The following DACH2 variants were observed in gnomAD, a reference collection of about 807,000 sequenced individuals.
DACH2 encodes dachshund homolog 2.
In DACH2, 17 loss-of-function variants were observed where a neutral mutation model predicts 35.8. The observed-to-expected ratio is 0.48, with a 90% CI of 0.33 to 0.71. The LOEUF is 0.71. Among genes scored for constraint, DACH2 ranks in the 30% least tolerant of loss-of-function variants. The probability of loss-of-function intolerance (pLI) is 0.02; values close to 1 mark genes in which losing one functional copy is unlikely to be tolerated. For missense variants in DACH2, 469 were observed against 472.7 expected (o/e 0.99, Z 0.07); for synonymous variants, 195 against 177.3 (o/e 1.10, Z -0.79).
At chrX:86,802,403 A>ATAAGT (rs1717778051) in intron 7 of DACH2, among the ~76,000 whole-genome samples, 1 of 110,713 alleles carries the variant, frequency 9.0e-6, no homozygotes, top group East Asian at 2.8e-4. Context: ...ACTCAGTCAG[A>ATAAGT]TAAGTTAACT....
At chrX:86,505,040 G>A (rs1257642303) in intron 2 of DACH2, among the ~76,000 whole-genome samples, 4 of 112,088 alleles carry the variant, frequency 3.6e-5, no homozygotes, top group Non-Finnish European at 7.5e-5. Flanking sequence ...TGCCTTAGAA[G>A]TAAGGACGTC....
chrX:86,504,387 A>T (rs1469350223), intron 2 of DACH2, among the ~76,000 whole-genome samples: 3 of 111,171 alleles, frequency 2.7e-5, no homozygotes, highest in African/African-American at 9.8e-5. Flanking sequence ...AGTTTCCTGG[A>T]ATCAATTGTC....
At chrX:86,619,385 C>A (rs2040043820) in intron 3 of DACH2, among the ~76,000 whole-genome samples, 1 of 111,590 alleles carries the variant, frequency 9.0e-6, no homozygotes, top group Non-Finnish European at 1.9e-5. Context: ...TTCCTGAAGC[C>A]AGAAAAAACA....
chrX:86,183,916 G>C (rs1353369936), intron 1 of DACH2, among the ~76,000 whole-genome samples: 1 of 111,494 alleles, frequency 9.0e-6, no homozygotes, highest in African/African-American at 3.3e-5. Context: ...GGGTGTATGT[G>C]TCCAGGAATT....
intron 2 of DACH2, among the ~76,000 whole-genome samples, chrX:86,401,717 CA>C (rs762581376): frequency 2.0e-3 from 106 of 52,504 alleles, no homozygotes; most frequent in East Asian, 8.3e-3. Context: ...GAGACAGTGA[CA>C]AAAAAAAAAA....
chrX:86,528,880 C>A (rs764835945), intron 3 of DACH2, among the ~76,000 whole-genome samples: 1 of 111,730 alleles, frequency 9.0e-6, no homozygotes, highest in East Asian at 2.8e-4. Flanking sequence ...TGTGTAATGA[C>A]CAAGTCAGGG....
intron 2 of DACH2, among the ~76,000 whole-genome samples, chrX:86,502,566 T>C (rs752514868): frequency 8.9e-6 from 1 of 112,491 alleles, no homozygotes; most frequent in Non-Finnish European, 1.9e-5. Flanking sequence ...GCATTTGTCT[T>C]AGAAAAAGTC....
At chrX:86,295,186 TG>T (rs1393493146) in intron 1 of DACH2, among the ~76,000 whole-genome samples, 1 of 109,033 alleles carries the variant, frequency 9.2e-6, no homozygotes, top group Non-Finnish European at 1.9e-5. Context: ...ATTTTCCAGG[TG>T]CCGTCTGTCA....
chrX:86,263,402 T>C (rs1195357234), intron 1 of DACH2, among the ~76,000 whole-genome samples: 1 of 111,721 alleles, frequency 9.0e-6, no homozygotes, highest in Non-Finnish European at 1.9e-5. Flanking sequence ...AAATGCACCA[T>C]ATGTGTGAGT....
intron 3 of DACH2, among the ~76,000 whole-genome samples, chrX:86,606,564 T>C (rs1348949951): frequency 9.0e-6 from 1 of 111,552 alleles, no homozygotes; most frequent in Non-Finnish European, 1.9e-5. Flanking sequence ...CTTGATATTA[T>C]TACATTTTTT....
intron 1 of DACH2, among the ~76,000 whole-genome samples, chrX:86,358,368 C>T (rs1019660079): frequency 3.7e-5 from 4 of 106,695 alleles, no homozygotes; most frequent in Non-Finnish European, 5.8e-5. Context: ...GTTTTAAGTA[C>T]GATTCAAAGT....
intron 3 of DACH2, among the ~76,000 whole-genome samples, chrX:86,533,814 A>ATT (rs981548480): frequency 9.3e-6 from 1 of 107,927 alleles, no homozygotes; most frequent in African/African-American, 3.4e-5. Context: ...CTTCTATGCC[A>ATT]TTTTTTTTTT....
At chrX:86,605,529 C>G (rs767511791) in intron 3 of DACH2, among the ~76,000 whole-genome samples, 1 of 110,735 alleles carries the variant, frequency 9.0e-6, no homozygotes, top group Admixed American at 9.6e-5. Flanking sequence ...CGTAATATAA[C>G]TTTTAGCCTC....
intron 7 of DACH2, among the ~76,000 whole-genome samples, chrX:86,768,884 T>C (rs1467754983): frequency 9.0e-6 from 1 of 111,123 alleles, no homozygotes; most frequent in African/African-American, 3.3e-5. Flanking sequence ...AAACTCTCAC[T>C]TGTAAGTGAG....
At chrX:86,768,537 G>T in intron 7 of DACH2, among the ~76,000 whole-genome samples, 1 of 111,470 alleles carries the variant, frequency 9.0e-6, no homozygotes, top group East Asian at 2.8e-4. Context: ...GGATTTTTTT[G>T]TAGGGCCACT....
rs1332065859 is a variant in DACH2, at chrX:86,269,982, AAACT to A, written c.489-106839_489-106836del. Among the ~76,000 whole-genome samples the A allele has an allele frequency of 1.0e-4, 11 of 105,409 alleles. No individual in the cohort carries two copies. The East Asian group carries it at 3.2e-3, about 31-fold the overall frequency. The allele number at this position is 105,409 out of a possible 115,157, so 91.5% of individuals were successfully genotyped here. A position where few individuals can be genotyped will look rare whatever the true frequency, so the allele number is the denominator to read the frequency against. On this transcript the variant is annotated intron_variant, in intron 1 of 11. Transcript: ENST00000373125. ...TCACCCACTCCTCAAAGCAGGAAAC[AAACT>A]AAGATAAGATTCATGTTTTAATTAT...
At chrX:86,247,519 T>C (rs778354947) in intron 1 of DACH2, among the ~76,000 whole-genome samples, 47 of 111,412 alleles carry the variant, frequency 4.2e-4, no homozygotes, top group African/African-American at 1.4e-3. Context: ...TAGAAAACAA[T>C]AGATAAATTC....
At chrX:86,740,115 A>G (rs1259282111) in intron 7 of DACH2, among the ~76,000 whole-genome samples, 1 of 111,146 alleles carries the variant, frequency 9.0e-6, no homozygotes. Flanking sequence ...ATTCAATCTC[A>G]TGGAAGTAAT....
At chrX:86,330,028 C>T (rs2035184266) in intron 1 of DACH2, among the ~76,000 whole-genome samples, 1 of 111,225 alleles carries the variant, frequency 9.0e-6, no homozygotes, top group Admixed American at 9.6e-5. Flanking sequence ...CTGGTGACGC[C>T]AATAAGAGCA....
Sources: allele counts gnomAD v4.1 joint callset (sites outside exome capture counted in the v4.1 genomes callset), GRCh38; gene constraint gnomAD v4.1.1; transcripts MANE v1.5; gene names NCBI Gene and HGNC (gene_info 2026-07-23, HGNC 2026-07-21).